Variants in ATP13A3 observed in about 807,000 individuals in gnomAD.
ATP13A3 encodes ATPase 13A3, also known as polyamine-transporting ATPase 13A3.
In ATP13A3, 59 loss-of-function variants were observed where a neutral mutation model predicts 158.1. That is an observed-to-expected ratio of 0.37 (90% CI 0.30 to 0.46). ATP13A3 has a LOEUF of 0.46. Ranked by LOEUF, ATP13A3 falls within the 20% of genes least tolerant of loss-of-function variation. The pLI, the probability that ATP13A3 is intolerant of heterozygous loss-of-function variation, is 1.00. For synonymous variants in ATP13A3, 491 were observed against 504.3 expected, an observed-to-expected ratio of 0.97 and a Z score of 0.35; for missense variants, 1,166 against 1,525.2, an observed-to-expected ratio of 0.76 and a Z score of 3.92.
intron 2 of ATP13A3, among the ~76,000 whole-genome samples, chr3:194,462,505 C>A (rs539133438): frequency 6.6e-6 from 1 of 152,096 alleles, no homozygotes; most frequent in Admixed American, 6.5e-5. Context: ...ATCTAGGGTG[C>A]GTGCTCCTTA....
intron 28 of ATP13A3, 30 bp downstream of exon 28, chr3:194,428,815 T>C (rs950279787): frequency 2.7e-6 from 4 of 1,495,524 alleles, no homozygotes; most frequent in East Asian, 2.3e-5. Flanking sequence ...TCATACACTT[T>C]AAAAATCAAT....
At chr3:194,474,553 T>G (rs955151282) in intron 2 of ATP13A3, among the ~76,000 whole-genome samples, 5 of 152,130 alleles carry the variant, frequency 3.3e-5, no homozygotes, top group African/African-American at 1.2e-4. Context: ...TAAGCCTAAT[T>G]CCCCCAAACT....
At chr3:194,480,023 G>T (rs1469679813) in intron 2 of ATP13A3, among the ~76,000 whole-genome samples, 1 of 152,122 alleles carries the variant, frequency 6.6e-6, no homozygotes, top group Non-Finnish European at 1.5e-5. Flanking sequence ...ATTATTGCCT[G>T]CTGTTCCAGT....
chr3:194,468,386 T>TAAAAAAAAAAAAAAAAAAAAA (rs35011462), intron 2 of ATP13A3: 7 of 111,848 alleles, frequency 6.3e-5, no homozygotes, highest in African/African-American at 2.8e-4. Flanking sequence ...TGTGTGAGTT[T>TAAAAAAAAAAAAAAAAAAAAA]AAAAAAAAAA....
rs757489823 is a variant in ATP13A3, at chr3:194,453,767, C to T, written c.777G>A (p.Met259Ile). 5 of 1,613,042 alleles carry T rather than the reference C, an allele frequency of 3.1e-6. No individual in the cohort carries two copies. The Admixed American group carries it at 6.7e-5, about 22-fold the overall frequency. The change falls in exon 10 of 34, where the codon ATG (methionine) becomes ATA (isoleucine). Residue 259 changes from methionine to isoleucine, a missense_variant. Transcript: ENST00000645319. ...SLYSIRKQYVMLHDMVATHST... is the reference protein window; with the variant it reads ...SLYSIRKQYVILHDMVATHST... Reference sequence around the variant, plus strand: ...TATGAGTTGCCACCATGTCATGCAACATAACATATTGCTGAAAGAGGAAAA... The same window carrying T: ...TATGAGTTGCCACCATGTCATGCAATATAACATATTGCTGAAAGAGGAAAA...
intron 14 of ATP13A3, among the ~76,000 whole-genome samples, chr3:194,445,813 T>C (rs2108887009): frequency 6.6e-6 from 1 of 152,320 alleles, no homozygotes; most frequent in African/African-American, 2.4e-5. Flanking sequence ...AGTTTAATTC[T>C]CAGAAAACTT....
At chr3:194,441,016 C>T (rs537053637) in intron 16 of ATP13A3, among the ~76,000 whole-genome samples, 20 of 152,296 alleles carry the variant, frequency 1.3e-4, no homozygotes, top group Non-Finnish European at 2.4e-4. Context: ...ATCTTACTGG[C>T]TCTGCTCTAC....
At chr3:194,470,130 CT>C (rs1720236053) in intron 2 of ATP13A3, among the ~76,000 whole-genome samples, 6 of 152,140 alleles carry the variant, frequency 3.9e-5, no homozygotes, top group African/African-American at 1.2e-4. Context: ...TAACAAAGCT[CT>C]ACTCAATACC....
intron 2 of ATP13A3, among the ~76,000 whole-genome samples, chr3:194,468,651 T>C (rs1469450340): frequency 1.3e-5 from 2 of 152,048 alleles, no homozygotes. Context: ...TTCTCAAGAG[T>C]TGTAACAATA....
intron 7 of ATP13A3, among the ~76,000 whole-genome samples, chr3:194,456,860 T>C (rs575219224): frequency 6.6e-6 from 1 of 152,270 alleles, no homozygotes; most frequent in Admixed American, 6.5e-5. Context: ...TGGGAACTGA[T>C]GAAATATGGT....
At chr3:194,486,296 A>T (rs1271996583) in intron 1 of ATP13A3, among the ~76,000 whole-genome samples, 1 of 151,804 alleles carries the variant, frequency 6.6e-6, no homozygotes, top group East Asian at 1.9e-4. Context: ...CTCCCACAGG[A>T]CTTTCCGAAA....
At position 194,425,482 on chromosome 3, in the gene ATP13A3, T is replaced by C. The variant is rs1421820648; in HGVS notation, c.3173A>G (p.Asp1058Gly). The C allele has an allele frequency of 6.2e-7, 1 of 1,613,644 alleles. No homozygotes were observed. Among genetic ancestry groups the C allele is most frequent in the Non-Finnish European group, 8.5e-7 (1 of 1,179,850 alleles). Reference protein sequence around the residue: ...GSGFWNSSHVDNETELDEHNI... With the variant: ...GSGFWNSSHVGNETELDEHNI... ...ATGTTCATCAAGTTCGGTTTCATTG[T>C]CTACGTGTGAAGAATTCCAAAACCC... The change falls in exon 30 of 34, where the codon GAC becomes GGC. Residue 1058 changes from aspartate (D) to glycine (G), a missense_variant. Physicochemically the swap from Asp to Gly is moderately conservative, Grantham distance 94. Transcript: ENST00000645319.
chr3:194,458,226 G>A (rs1719380918), intron 6 of ATP13A3, among the ~76,000 whole-genome samples: 1 of 151,828 alleles, frequency 6.6e-6, no homozygotes, highest in South Asian at 2.1e-4. Context: ...AATGGAGTAA[G>A]TTTAAATTTT....
chr3:194,466,934 G>C (rs1290405393), intron 2 of ATP13A3, among the ~76,000 whole-genome samples: 2 of 152,186 alleles, frequency 1.3e-5, no homozygotes, highest in Non-Finnish European at 2.9e-5. Context: ...CGAATATTAA[G>C]GACTCTGCCT....
At position 194,406,032 on chromosome 3, in the gene ATP13A3, G is replaced by C. The variant is rs766890614; in HGVS notation, c.3658C>G (p.Leu1220Val). The part of the protein sequence containing the change: ...KKTPKAKYMY[L>V]AQELLVDPEW... ...GGATCAACCAAGAGCTCCTGCGCCAGATACATGTACTTTGCCTTTGGTGTC... is the reference window on the plus strand; with the variant it reads ...GGATCAACCAAGAGCTCCTGCGCCACATACATGTACTTTGCCTTTGGTGTC... The change falls in exon 34 of 34, where the codon CTG becomes GTG. Residue 1220 changes from leucine (L) to valine (V), a missense_variant. This residue lies in a region of ATP13A3 where 997 missense variants were observed against 1,341.2 expected (regional missense o/e 0.74). Transcript: ENST00000645319. 6.2e-7 allele frequency: 1 copy of C among 1,614,184 alleles called. No individual in the cohort carries two copies. Among genetic ancestry groups the C allele is most frequent in the Non-Finnish European group, 8.5e-7 (1 of 1,180,032 alleles).
intron 14 of ATP13A3, among the ~76,000 whole-genome samples, chr3:194,445,350 T>C (rs989666282): frequency 1.3e-5 from 2 of 152,202 alleles, no homozygotes; most frequent in Non-Finnish European, 2.9e-5. Context: ...ATTAGAGATA[T>C]GAGGAAATCT....
At chr3:194,475,189 G>C (rs1720472345) in intron 2 of ATP13A3, among the ~76,000 whole-genome samples, 1 of 152,118 alleles carries the variant, frequency 6.6e-6, no homozygotes, top group Non-Finnish European at 1.5e-5. Flanking sequence ...ATAAACCTCA[G>C]AAATGTTTGT....
intron 31 of ATP13A3, among the ~76,000 whole-genome samples, chr3:194,415,072 C>T (rs1447288021): frequency 6.6e-6 from 1 of 152,028 alleles, no homozygotes; most frequent in Non-Finnish European, 1.5e-5. Flanking sequence ...GGAGTGGAGC[C>T]AAAGTGGAAA....
Position 194,405,452 on chromosome 3 carries a change from AT to A in ATP13A3, c.*466del, listed in dbSNP as rs1166340994. The A allele has an allele frequency of 1.9e-5, 3 of 156,976 alleles. No individual in the cohort carries two copies. The highest frequency in any genetic ancestry group is 4.2e-5 in the Non-Finnish European group (3 of 71,074). The allele number at this position is 156,976 out of a possible 1,614,324, so 9.7% of individuals were successfully genotyped here. On this transcript the variant is annotated 3_prime_UTR_variant, in exon 34 of 34. Transcript: ENST00000645319. ...TCAAATGAAAACAGGCTTTCAGTAT[AT>A]TTTCACTGGAGGCTAATTAACACTC...
Sources: gnomAD v4.1 joint callset for allele counts (sites outside exome capture counted in the v4.1 genomes callset) on GRCh38, gnomAD v4.1.1 for gene constraint, gnomAD v4.1.1 regional missense constraint, MANE v1.5 for transcripts, NCBI Gene and HGNC (gene_info 2026-07-23, HGNC 2026-07-21) for gene names.